The following C12orf42 variants were observed in gnomAD, a reference collection of about 807,000 sequenced individuals.
C12orf42 encodes the protein chromosome 12 open reading frame 42, also known as uncharacterized protein C12orf42.
In C12orf42, 25 loss-of-function variants were observed where a neutral mutation model predicts 21.6. That is an observed-to-expected ratio of 1.16 (90% CI 0.84 to 1.62). C12orf42 has a LOEUF of 1.62. C12orf42 is among the 40% of genes most tolerant of loss of function. The probability of loss-of-function intolerance (pLI) is 0.00; values close to 1 mark genes in which losing one functional copy is unlikely to be tolerated. For missense variants in C12orf42, 483 were observed against 459.3 expected (o/e 1.05, Z -0.47); for synonymous variants, 174 against 175.0 (o/e 0.99, Z 0.05).
chr12:103,406,735 G>T (rs191615023), intron 2 of C12orf42, among the ~76,000 whole-genome samples: 1 of 152,132 alleles, frequency 6.6e-6, no homozygotes, highest in Admixed American at 6.6e-5. Flanking sequence ...AGGTACCAGG[G>T]GAGCTCCTCT....
intron 4 of C12orf42, among the ~76,000 whole-genome samples, chr12:103,284,356 A>G (rs2036311534): frequency 6.6e-6 from 1 of 152,194 alleles, no homozygotes; most frequent in African/African-American, 2.4e-5. Context: ...GAACTGGAAA[A>G]GAAACACAGA....
At chr12:103,325,821 G>A (rs1439317061) in intron 4 of C12orf42, among the ~76,000 whole-genome samples, 1 of 152,100 alleles carries the variant, frequency 6.6e-6, no homozygotes, top group Admixed American at 6.6e-5. Flanking sequence ...ACAGAACGTG[G>A]CAGAAATGAT....
chr12:103,136,347 A>T, the C12orf42 span, among the ~76,000 whole-genome samples: 2 of 152,188 alleles, frequency 1.3e-5, no homozygotes, highest in Non-Finnish European at 2.9e-5. Context: ...CATAGAAAAA[A>T]ACTACAAAAC....
chr12:103,109,806 C>T, the C12orf42 span, among the ~76,000 whole-genome samples: 1 of 151,714 alleles, frequency 6.6e-6, no homozygotes, highest in Non-Finnish European at 1.5e-5. Flanking sequence ...AATGTATTAG[C>T]ATCCAAAACA....
chr12:103,123,707 A>G, the C12orf42 span, among the ~76,000 whole-genome samples: 1 of 152,080 alleles, frequency 6.6e-6, no homozygotes. Flanking sequence ...ACACTATAAA[A>G]TATCACTTTA....
intron 2 of C12orf42, 123 bp from the exon 3 acceptor site, chr12:103,401,798 T>G (rs1291389160): frequency 1.1e-6 from 1 of 873,430 alleles, no homozygotes; most frequent in Non-Finnish European, 1.8e-6. Flanking sequence ...GGCTGTTCAT[T>G]CACTGAGTAC....
At chr12:103,145,310 G>A in the C12orf42 span, among the ~76,000 whole-genome samples, 1 of 152,196 alleles carries the variant, frequency 6.6e-6, no homozygotes, top group East Asian at 1.9e-4. Flanking sequence ...TCCAGTTCCA[G>A]TTCAGTTGCC....
chr12:103,342,722 G>A (rs140265647), intron 4 of C12orf42, among the ~76,000 whole-genome samples: 5 of 137,450 alleles, frequency 3.6e-5, no homozygotes, highest in African/African-American at 5.6e-5. Context: ...ACTTCATGAC[G>A]GAAGCTACAA....
intron 2 of C12orf42, among the ~76,000 whole-genome samples, chr12:103,405,575 C>T (rs1398863499): frequency 6.6e-6 from 1 of 152,044 alleles, no homozygotes; most frequent in Non-Finnish European, 1.5e-5. Flanking sequence ...CTTCACAAAT[C>T]GGGAGCTGTA....
the C12orf42 span, among the ~76,000 whole-genome samples, chr12:103,133,492 C>G: frequency 6.6e-6 from 1 of 152,166 alleles, no homozygotes; most frequent in Non-Finnish European, 1.5e-5. Flanking sequence ...TACTGGGGCC[C>G]AAGGACTCAC....
chr12:103,306,424 G>T, intron 4 of C12orf42, 79 bp from the exon 5 acceptor site: 1 of 1,451,264 alleles, frequency 6.9e-7, no homozygotes. Context: ...ATGGAGTCAG[G>T]TAATATGTAA....
chr12:103,386,596 G>T (rs984648154), intron 3 of C12orf42, among the ~76,000 whole-genome samples: 2 of 152,100 alleles, frequency 1.3e-5, no homozygotes, highest in African/African-American at 4.8e-5. Context: ...TTGATCTCAG[G>T]CATAGAGTTT....
At chr12:103,357,494 C>T (rs746621317) in intron 4 of C12orf42, among the ~76,000 whole-genome samples, 29 of 152,002 alleles carry the variant, frequency 1.9e-4, no homozygotes, top group Admixed American at 5.9e-4. Flanking sequence ...AAGAGGAATG[C>T]TCCATCTGTC....
At chr12:103,420,298 T>C (rs888206790) in intron 2 of C12orf42, among the ~76,000 whole-genome samples, 1 of 152,188 alleles carries the variant, frequency 6.6e-6, no homozygotes, top group Non-Finnish European at 1.5e-5. Context: ...AAAACAACAA[T>C]AGAAAAAGTA....
the C12orf42 span, chr12:103,081,474 C>T: frequency 6.6e-6 from 1 of 151,964 alleles, no homozygotes; most frequent in Non-Finnish European, 1.5e-5. Context: ...TTCTAGGATC[C>T]CATATCTTTT....
the C12orf42 span, among the ~76,000 whole-genome samples, chr12:103,180,277 G>A: frequency 6.6e-6 from 1 of 152,140 alleles, no homozygotes; most frequent in Admixed American, 6.5e-5. Flanking sequence ...TCATGGCGAG[G>A]AGGGGAGAAA....
chr12:103,541,973 T>G, the C12orf42 span, among the ~76,000 whole-genome samples: 1 of 152,168 alleles, frequency 6.6e-6, no homozygotes, highest in South Asian at 2.1e-4. Flanking sequence ...CCACCACAGC[T>G]ACAATCTTGA....
Position 103,392,867 on chromosome 12 carries a change from C to T in C12orf42, c.147+8740G>A, listed in dbSNP as rs1481595167. 3.3e-5 allele frequency among the ~76,000 whole-genome samples: 5 copies of T among 152,034 alleles called. No individual in the cohort carries two copies. The East Asian group carries it at 9.7e-4, about 29-fold the overall frequency. Reference sequence around the variant, plus strand: ...GGCAGCTGTGCAGTAGCAGAAAATGCAAATTTGAGTTCCTGCCACAGAAGT... The same window carrying T: ...GGCAGCTGTGCAGTAGCAGAAAATGTAAATTTGAGTTCCTGCCACAGAAGT... On this transcript the variant is annotated intron_variant, in intron 3 of 5. Transcript: ENST00000548883.
chr12:103,399,391 C>CA (rs2047799653), intron 3 of C12orf42, among the ~76,000 whole-genome samples: 1 of 151,386 alleles, frequency 6.6e-6, no homozygotes, highest in African/African-American at 2.4e-5. Flanking sequence ...TTGTTTGAAA[C>CA]AGAGTCTCAC....
Sources: gnomAD v4.1 joint callset for allele counts (sites outside exome capture counted in the v4.1 genomes callset) on GRCh38, gnomAD v4.1.1 for gene constraint, MANE v1.5 for transcripts, NCBI Gene and HGNC (gene_info 2026-07-23, HGNC 2026-07-21) for gene names.